The following CYLC1 variants were observed in gnomAD, a reference collection of about 807,000 sequenced individuals.
The protein encoded by CYLC1 is cylicin-1.
A neutral mutation model predicts 31.6 loss-of-function variants in CYLC1; 2 were observed. That is an observed-to-expected ratio of 0.06 (90% CI 0.03 to 0.20). CYLC1 has a LOEUF of 0.20. Among genes scored for constraint, CYLC1 ranks in the 10% least tolerant of loss-of-function variants. The pLI, the probability that CYLC1 is intolerant of heterozygous loss-of-function variation, is 1.00. For missense variants in CYLC1, 595 were observed against 424.1 expected (o/e 1.40, Z -3.54); for synonymous variants, 185 against 153.0 (o/e 1.21, Z -1.54).
chrX:83,871,689 G>A (rs2031667622), intron 3 of CYLC1, 119 bp downstream of exon 3: 2 of 651,281 alleles, frequency 3.1e-6, no homozygotes, highest in Admixed American at 8.2e-5. Flanking sequence ...TTTTAAATTT[G>A]TAATTCTCTG....
Position 83,880,654 on chromosome X carries a change from A to T in CYLC1, c.1924-5898A>T, listed in dbSNP as rs1394980709. On this transcript the variant is annotated intron_variant, in intron 4 of 4. Transcript: ENST00000329312. ...GAAATATTATTTTTTCTCAAGTATA[A>T]AATGGGATATTAATAAGACCTTCCC... Among the ~76,000 whole-genome samples, 7 of 111,470 alleles carry T rather than the reference A, an allele frequency of 6.3e-5. No homozygotes were observed. In the East Asian group the frequency reaches 2.0e-3, roughly 31 times the overall value.
chrX:83,869,741 C>T lies in CYLC1; in HGVS notation c.18-124C>T, dbSNP rs187576651. 240 of 292,820 alleles carry T rather than the reference C, an allele frequency of 8.2e-4. 1 individual carries two copies. In the South Asian group the frequency reaches 9.7e-3, roughly 12 times the overall value. The allele number at this position is 292,820 out of a possible 1,213,427, so 24.1% of individuals were successfully genotyped here. ...GTGACAATAAGACAGTTCCAAATCA[C>T]TGATTAAACATAGCATTGGGCTTTG... On this transcript the variant is annotated intron_variant, in intron 1 of 4. Coordinates refer to ENST00000329312, the MANE Select transcript of CYLC1 (RefSeq NM_021118.3).
At position 83,873,006 on chromosome X, in the gene CYLC1, T is replaced by C. The variant is rs766396664; in HGVS notation, c.298T>C (p.Phe100Leu). 14 of 1,202,580 alleles carry C rather than the reference T, an allele frequency of 1.2e-5. No individual in the cohort carries two copies. Among genetic ancestry groups the C allele is most frequent in the Middle Eastern group, 2.3e-4 (1 of 4,346 alleles). Residue 100 changes from phenylalanine (F) to leucine (L), a missense_variant, in exon 4 of 5, where the codon TTC becomes CTC. Physicochemically the swap from Phe to Leu is conservative, Grantham distance 22. Transcript: ENST00000329312. ...IYTAAREQTP[F>L]RHLYTSKTHL... ...CACAGCTGCCAGGGAACAGACTCCA[T>C]TCAGACATCTTTATACTTCCAAAAC...
chrX:83,862,470 G>A (rs1449029733), intron 1 of CYLC1, among the ~76,000 whole-genome samples: 1 of 111,344 alleles, frequency 9.0e-6, no homozygotes, highest in South Asian at 3.8e-4. Flanking sequence ...ATGAACCTGG[G>A]GGGCGGAGCT....
At chrX:83,877,466 C>T (rs1442897003) in intron 4 of CYLC1, among the ~76,000 whole-genome samples, 2 of 110,601 alleles carry the variant, frequency 1.8e-5, no homozygotes, top group Admixed American at 9.8e-5. Flanking sequence ...AGCCCCTACC[C>T]ATTTTTCACC....
In CYLC1 at chrX:83,873,005, A is replaced by G. The variant is rs145159196; in HGVS notation, c.297A>G (p.Pro99=). The part of the protein sequence containing the change: ...PIYTAAREQT[P]FRHLYTSKTH... The stretch of plus-strand genomic sequence containing the variant: ...ACACAGCTGCCAGGGAACAGACTCC[A>G]TTCAGACATCTTTATACTTCCAAAA... Residue 99 remains proline (P), a synonymous_variant, in exon 4 of 5, where the codon CCA becomes CCG. Transcript: ENST00000329312. The G allele has an allele frequency of 2.3e-4, 273 of 1,203,711 alleles. No homozygotes were observed. Among genetic ancestry groups the G allele is most frequent in the Admixed American group, 1.3e-3 (58 of 44,930 alleles).
chrX:83,867,967 A>T (rs1011619180), intron 1 of CYLC1, among the ~76,000 whole-genome samples: 6 of 111,725 alleles, frequency 5.4e-5, no homozygotes, highest in Non-Finnish European at 1.1e-4. Flanking sequence ...AAGTTTGAGG[A>T]TTAAATTCAT....
At chrX:83,877,601 G>T (rs2031788170) in intron 4 of CYLC1, among the ~76,000 whole-genome samples, 1 of 107,681 alleles carries the variant, frequency 9.3e-6, no homozygotes, top group Non-Finnish European at 1.9e-5. Flanking sequence ...CCTCTGATTG[G>T]AATATTCCTC....
intron 4 of CYLC1, among the ~76,000 whole-genome samples, chrX:83,877,696 C>T (rs929250720): frequency 1.5e-4 from 16 of 104,734 alleles, no homozygotes; most frequent in Non-Finnish European, 2.5e-4. Context: ...CCCTGACTAC[C>T]TTACTTTATG....
intron 1 of CYLC1, among the ~76,000 whole-genome samples, chrX:83,869,371 C>G (rs972988480): frequency 5.4e-5 from 6 of 110,186 alleles, no homozygotes; most frequent in Non-Finnish European, 1.1e-4. Context: ...TCCTCCCACC[C>G]TCCACCCTCT....
rs374534364 is a variant in CYLC1, at chrX:83,874,299, G to A, written c.1591G>A (p.Gly531Ser). The stretch of plus-strand genomic sequence containing the variant: ...TGAATTTGATGAATCTTCCAAGACA[G>A]GCTTTAAAACATCTACAAAAATCAA... ...DAEFDESSKTGFKTSTKIKGS... is the reference protein window; with the variant it reads ...DAEFDESSKTSFKTSTKIKGS... The change falls in exon 4 of 5, where the codon GGC becomes AGC. Residue 531 changes from glycine (G) to serine (S), a missense_variant. Coordinates refer to ENST00000329312, the MANE Select transcript of CYLC1 (RefSeq NM_021118.3). The A allele has an allele frequency of 2.5e-4, 305 of 1,207,675 alleles. No homozygotes were observed. The highest frequency in any genetic ancestry group is 3.3e-4 in the Non-Finnish European group (292 of 894,254).
chrX:83,870,619 A>G (rs1179960696), intron 2 of CYLC1, among the ~76,000 whole-genome samples: 1 of 112,049 alleles, frequency 8.9e-6, no homozygotes, highest in Non-Finnish European at 1.9e-5. Context: ...TAAAATGCTT[A>G]GAACACAGTC....
chrX:83,878,500 T>TATAAATATATATATAAATATATATAAA (rs2031861177), intron 4 of CYLC1, among the ~76,000 whole-genome samples: 1 of 59,819 alleles, frequency 1.7e-5, no homozygotes, highest in Non-Finnish European at 2.9e-5. Context: ...TATATATATT[T>TATAAATATATATATAAATATATATAAA]TCATACATGT....
chrX:83,865,009 A>T (rs2031573155), intron 1 of CYLC1, among the ~76,000 whole-genome samples: 1 of 111,137 alleles, frequency 9.0e-6, no homozygotes, highest in Admixed American at 9.7e-5. Flanking sequence ...CAATGATTTT[A>T]TATGCCATCT....
chrX:83,880,973 A>G (rs1009678000), intron 4 of CYLC1, among the ~76,000 whole-genome samples: 1 of 112,077 alleles, frequency 8.9e-6, no homozygotes, highest in Non-Finnish European at 1.9e-5. Context: ...TGCAGAGGTT[A>G]CATGACATTA....
chrX:83,871,475 T>A lies in CYLC1; in HGVS notation c.82T>A (p.Trp28Arg). ...IPISESSRKS[W>R]NQKHFALTFP... ...AGTCAGTGAATCAAGCAGAAAATCATGGAATCAAAAACACTTTGCTTTGAC... is the reference window on the plus strand; with the variant it reads ...AGTCAGTGAATCAAGCAGAAAATCAAGGAATCAAAAACACTTTGCTTTGAC... Residue 28 changes from tryptophan to arginine, a missense_variant, in exon 3 of 5, where the codon TGG (tryptophan) becomes AGG (arginine). Transcript: ENST00000329312. 3 of 1,202,815 alleles carry A rather than the reference T, an allele frequency of 2.5e-6. No individual in the cohort carries two copies. Among genetic ancestry groups the A allele is most frequent in the South Asian group, 3.6e-5 (2 of 55,782 alleles).
At chrX:83,882,588 CT>C (rs1239432176) in intron 4 of CYLC1, among the ~76,000 whole-genome samples, 1 of 110,808 alleles carries the variant, frequency 9.0e-6, no homozygotes, top group Non-Finnish European at 1.9e-5. Flanking sequence ...CTTGCTACTA[CT>C]TTTCTTTTTC....
At chrX:83,883,405 A>T (rs970741688) in intron 4 of CYLC1, among the ~76,000 whole-genome samples, 2 of 111,983 alleles carry the variant, frequency 1.8e-5, no homozygotes, top group East Asian at 5.6e-4. Context: ...TTTATCTATC[A>T]ATAAATATTC....
rs1266034980 is a variant in CYLC1, at chrX:83,874,084, A to G, written c.1376A>G (p.Lys459Arg). ...EPKGDSKKGK[K>R]DEKKGKKDSK... is the part of the protein sequence containing the mutation. ...AAGGGAGATTCAAAAAAGGGTAAAAAGGATGAAAAGAAGGGGAAGAAAGAT... is the reference window on the plus strand; with the variant it reads ...AAGGGAGATTCAAAAAAGGGTAAAAGGGATGAAAAGAAGGGGAAGAAAGAT... Residue 459 changes from lysine (K) to arginine (R), a missense_variant, in exon 4 of 5, where the codon AAG becomes AGG. Physicochemically the swap from Lys to Arg is conservative, Grantham distance 26. Transcript: ENST00000329312. The G allele has an allele frequency of 7.5e-6, 9 of 1,204,882 alleles. No individual in the cohort carries two copies. The highest frequency in any genetic ancestry group is 1.0e-5 in the Non-Finnish European group (9 of 891,745).
Sources: allele counts gnomAD v4.1 joint callset (sites outside exome capture counted in the v4.1 genomes callset), GRCh38; gene constraint gnomAD v4.1.1; transcripts MANE v1.5; gene names NCBI Gene and HGNC (gene_info 2026-07-23, HGNC 2026-07-21).